Variants in AGBL4 observed in about 807,000 individuals in gnomAD.
AGBL4 encodes the protein cytosolic carboxypeptidase 6.
Under a neutral mutation model 66.4 loss-of-function variants are expected in AGBL4, and 58 were observed. The observed-to-expected ratio is 0.87, with a 90% CI of 0.71 to 1.09. AGBL4 has a LOEUF of 1.09. Among genes scored for constraint, AGBL4 ranks in the 50% least tolerant of loss-of-function variants. AGBL4 has a pLI of 0.00. For missense variants in AGBL4, 579 were observed against 631.0 expected (o/e 0.92, Z 0.88); for synonymous variants, 234 against 222.9 (o/e 1.05, Z -0.44).
intron 3 of AGBL4, among the ~76,000 whole-genome samples, chr1:49,282,617 A>G (rs1234868697): frequency 1.3e-5 from 2 of 152,218 alleles, no homozygotes; most frequent in Non-Finnish European, 2.9e-5. Context: ...TATCGGGTTC[A>G]TCTCACTAGG....
chr1:49,274,205 A>G (rs1644119489), intron 3 of AGBL4, among the ~76,000 whole-genome samples: 1 of 152,162 alleles, frequency 6.6e-6, no homozygotes, highest in African/African-American at 2.4e-5. Flanking sequence ...TAAATCTTTG[A>G]TATTTGACAT....
At chr1:49,689,197 T>C (rs1333901312) in intron 3 of AGBL4, among the ~76,000 whole-genome samples, 1 of 152,172 alleles carries the variant, frequency 6.6e-6, no homozygotes, top group Non-Finnish European at 1.5e-5. Context: ...AGTAGTTTCA[T>C]AGTTTGAGGT....
chr1:49,286,693 C>T (rs1452603389), intron 3 of AGBL4, among the ~76,000 whole-genome samples: 1 of 151,820 alleles, frequency 6.6e-6, no homozygotes, highest in African/African-American at 2.4e-5. Flanking sequence ...CTACAAACCA[C>T]TGCTCAAGGA....
chr1:49,881,872 G>A (rs1647365276), intron 1 of AGBL4, among the ~76,000 whole-genome samples: 1 of 151,760 alleles, frequency 6.6e-6, no homozygotes, highest in East Asian at 1.9e-4. Flanking sequence ...CTTTTGCTGT[G>A]CAGAAGCTCT....
At chr1:49,524,134 T>A (rs1355010197) in intron 3 of AGBL4, among the ~76,000 whole-genome samples, 2 of 152,082 alleles carry the variant, frequency 1.3e-5, no homozygotes, top group Non-Finnish European at 2.9e-5. Context: ...CCTTCATACA[T>A]CTGCCCTGGC....
At chr1:50,002,359 C>CTTTTTTTTTTTTTTTTTT (rs372960346) in intron 1 of AGBL4, among the ~76,000 whole-genome samples, 1 of 96,032 alleles carries the variant, frequency 1.0e-5, no homozygotes, top group African/African-American at 4.5e-5. Flanking sequence ...TGCCCTAGTT[C>CTTTTTTTTTTTTTTTTTT]TTTTTTTTTT....
intron 3 of AGBL4, among the ~76,000 whole-genome samples, chr1:49,497,550 T>G (rs1377507172): frequency 6.6e-6 from 1 of 152,022 alleles, no homozygotes; most frequent in African/African-American, 2.4e-5. Flanking sequence ...TCATTTTGAG[T>G]TTATTTTTGT....
chr1:49,773,851 C>T (rs1180066338), intron 2 of AGBL4, among the ~76,000 whole-genome samples: 1 of 152,214 alleles, frequency 6.6e-6, no homozygotes, highest in African/African-American at 2.4e-5. Flanking sequence ...CTCCACTGTG[C>T]ATGCTTGCCT....
intron 4 of AGBL4, among the ~76,000 whole-genome samples, chr1:49,220,017 A>C (rs575370773): frequency 1.1e-4 from 16 of 152,242 alleles, no homozygotes; most frequent in Non-Finnish European, 2.1e-4. Flanking sequence ...AGCATGGCTA[A>C]GTATCTGGCC....
At chr1:49,106,365 C>G (rs1645292651) in intron 4 of AGBL4, among the ~76,000 whole-genome samples, 1 of 152,092 alleles carries the variant, frequency 6.6e-6, no homozygotes, top group Non-Finnish European at 1.5e-5. Flanking sequence ...ATACCAGGAC[C>G]CAGGGCCAAC....
intron 5 of AGBL4, among the ~76,000 whole-genome samples, chr1:49,040,476 T>G (rs1643909463): frequency 6.6e-6 from 1 of 152,072 alleles, no homozygotes; most frequent in Non-Finnish European, 1.5e-5. Context: ...AATGTATTCA[T>G]ATGTCCACTC....
At chr1:49,349,696 G>A (rs1645709899) in intron 3 of AGBL4, among the ~76,000 whole-genome samples, 1 of 152,084 alleles carries the variant, frequency 6.6e-6, no homozygotes. Context: ...GCAGTGTTAT[G>A]GGCTGAATTA....
chr1:48,995,064 A>G (rs1394702403), intron 5 of AGBL4, among the ~76,000 whole-genome samples: 1 of 152,244 alleles, frequency 6.6e-6, no homozygotes, highest in Non-Finnish European at 1.5e-5. Context: ...GCTAAATTTC[A>G]AAGTCCTGAG....
At chr1:49,433,593 T>A in intron 3 of AGBL4, among the ~76,000 whole-genome samples, 1 of 152,216 alleles carries the variant, frequency 6.6e-6, no homozygotes, top group Non-Finnish European at 1.5e-5. Flanking sequence ...ACAAATATTA[T>A]GAAAGCATAT....
At chr1:49,100,326 CT>C (rs1645178214) in intron 4 of AGBL4, among the ~76,000 whole-genome samples, 2 of 152,230 alleles carry the variant, frequency 1.3e-5, no homozygotes, top group East Asian at 1.9e-4. Flanking sequence ...ATGTAGAGTC[CT>C]TAGGAAGGAA....
chr1:49,404,965 A>G (rs1645165343), intron 3 of AGBL4, among the ~76,000 whole-genome samples: 1 of 152,214 alleles, frequency 6.6e-6, no homozygotes, highest in Admixed American at 6.5e-5. Flanking sequence ...CTGCCACAGG[A>G]GTTTTCTTCA....
At chr1:48,718,122 T>C (rs1464035237) in intron 6 of AGBL4, among the ~76,000 whole-genome samples, 1 of 152,250 alleles carries the variant, frequency 6.6e-6, no homozygotes, top group Non-Finnish European at 1.5e-5. Context: ...AGGCACCTTA[T>C]AAGCATAATT....
chr1:49,033,368 A>G (rs1318049284), intron 5 of AGBL4, among the ~76,000 whole-genome samples: 1 of 152,192 alleles, frequency 6.6e-6, no homozygotes, highest in Non-Finnish European at 1.5e-5. Context: ...TATTCAATTT[A>G]AAATTCATCC....
intron 1 of AGBL4, among the ~76,000 whole-genome samples, chr1:49,864,309 C>CA (rs959001803): frequency 3.3e-5 from 5 of 151,266 alleles, no homozygotes; most frequent in East Asian, 1.9e-4. Context: ...TTAATGGGTA[C>CA]AAAAAAAACA....
Sources: gnomAD v4.1 joint callset for allele counts (sites outside exome capture counted in the v4.1 genomes callset) on GRCh38, gnomAD v4.1.1 for gene constraint, MANE v1.5 for transcripts, NCBI Gene and HGNC (gene_info 2026-07-23, HGNC 2026-07-21) for gene names.